Variants in PCM1 observed in about 807,000 individuals in gnomAD.
PCM1 encodes pericentriolar material 1, also known as pericentriolar material 1 protein.
Under a neutral mutation model 241.9 loss-of-function variants are expected in PCM1, and 157 were observed. The ratio of observed to expected loss-of-function variants is 0.65; its 90% confidence interval spans 0.57 to 0.74. The LOEUF (loss-of-function observed/expected upper bound fraction) is 0.74, where lower values mean the gene tolerates loss of function less well. Among genes scored for constraint, PCM1 ranks in the 30% least tolerant of loss-of-function variants. PCM1 has a pLI of 0.00. For synonymous variants in PCM1, 1,085 were observed against 784.9 expected, an observed-to-expected ratio of 1.38 and a Z score of -6.39; for missense variants, 3,478 against 2,360.1, an observed-to-expected ratio of 1.47 and a Z score of -9.81.
chr8:17,929,465 A>G (rs755463045), intron 2 of PCM1, among the ~76,000 whole-genome samples: 4 of 152,176 alleles, frequency 2.6e-5, no homozygotes, highest in Non-Finnish European at 4.4e-5. Context: ...ATAGATCGCT[A>G]TTTGTCAACC....
chr8:17,932,045 C>T (rs534954416), intron 2 of PCM1, among the ~76,000 whole-genome samples: 3 of 152,068 alleles, frequency 2.0e-5, no homozygotes, highest in African/African-American at 7.2e-5. Flanking sequence ...ATTTTTCATA[C>T]TGCTTTTTTA....
Position 17,966,130 on chromosome 8 carries a change from A to G in PCM1, c.2987A>G (p.Lys996Arg), listed in dbSNP as rs2074787968. 6.2e-7 allele frequency: 1 copy of G among 1,613,650 alleles called. No individual in the cohort carries two copies. Among genetic ancestry groups the G allele is most frequent in the Non-Finnish European group, 8.5e-7 (1 of 1,179,656 alleles). ...TCAGAGCTCTCTTACGTAGAAGAGA[A>G]AGAACAATGGCAAGAACAAATCAAT... ...WVSELSYVEE[K>R]EQWQEQINQL... The change falls in exon 19 of 39, where the codon AAA (lysine) becomes AGA (arginine). Residue 996 changes from lysine (K) to arginine (R), a missense_variant. Transcript: ENST00000325083.
At position 18,011,807 on chromosome 8, in the gene PCM1, G is replaced by C. The variant is rs766501663; in HGVS notation, c.5491G>C (p.Glu1831Gln). Reference protein sequence around the residue: ...SLQANTEATEENEHDEQVLQR... With the variant: ...SLQANTEATEQNEHDEQVLQR... ...CCAGGCTAACACTGAAGCTACTGAAGAAAATGAACATGATGAACAGGTATT... is the reference window on the plus strand; with the variant it reads ...CCAGGCTAACACTGAAGCTACTGAACAAAATGAACATGATGAACAGGTATT... The change falls in exon 34 of 39, where the codon GAA becomes CAA. Residue 1831 changes from glutamate (E) to glutamine (Q), a missense_variant. Transcript: ENST00000325083. 9 of 1,612,972 alleles carry C rather than the reference G, an allele frequency of 5.6e-6. No individual in the cohort carries two copies. The highest frequency in any genetic ancestry group is 6.8e-6 in the Non-Finnish European group (8 of 1,179,624).
At chr8:17,944,260 G>C (rs1435379309) in intron 6 of PCM1, among the ~76,000 whole-genome samples, 2 of 152,212 alleles carry the variant, frequency 1.3e-5, no homozygotes, top group East Asian at 1.9e-4. Context: ...ACATAATTTG[G>C]AGCAGATAGT....
intron 29 of PCM1, among the ~76,000 whole-genome samples, chr8:18,001,334 G>T (rs1184568925): frequency 6.6e-6 from 1 of 151,992 alleles, no homozygotes; most frequent in African/African-American, 2.4e-5. Context: ...GTTTACTTTT[G>T]TTTCTCTAGA....
At chr8:17,994,619 G>A (rs1184915206) in intron 29 of PCM1, among the ~76,000 whole-genome samples, 2 of 152,132 alleles carry the variant, frequency 1.3e-5, no homozygotes, top group Non-Finnish European at 2.9e-5. Flanking sequence ...CTTCCAAACT[G>A]TTCTCCAGAG....
At chr8:17,984,908 G>T (rs965617224) in intron 24 of PCM1, among the ~76,000 whole-genome samples, 1 of 151,748 alleles carries the variant, frequency 6.6e-6, no homozygotes, top group African/African-American at 2.4e-5. Context: ...TTACAGATTT[G>T]GTTACTCATC....
At chr8:18,000,458 G>A (rs1053608607) in intron 29 of PCM1, among the ~76,000 whole-genome samples, 2 of 152,114 alleles carry the variant, frequency 1.3e-5, no homozygotes, top group Non-Finnish European at 2.9e-5. Flanking sequence ...GCTTAGATAA[G>A]GGTGGTGATA....
At chr8:17,981,396 G>T (rs2080741167) in intron 24 of PCM1, among the ~76,000 whole-genome samples, 1 of 152,016 alleles carries the variant, frequency 6.6e-6, no homozygotes, top group Non-Finnish European at 1.5e-5. Flanking sequence ...TGTTTTCCTT[G>T]TAGCTTGTGT....
chr8:17,941,743 A>G (rs1459932382), intron 6 of PCM1, among the ~76,000 whole-genome samples: 2 of 152,064 alleles, frequency 1.3e-5, no homozygotes, highest in African/African-American at 2.4e-5. Flanking sequence ...TGACGTTACT[A>G]CAAGTCCAAA....
intron 8 of PCM1, among the ~76,000 whole-genome samples, chr8:17,951,799 T>C (rs1467733256): frequency 6.6e-6 from 1 of 152,220 alleles, no homozygotes; most frequent in Admixed American, 6.5e-5. Flanking sequence ...ATCTGTAATG[T>C]TATATTTTTC....
intron 28 of PCM1, among the ~76,000 whole-genome samples, chr8:17,992,656 G>A (rs1005581287): frequency 7.8e-6 from 1 of 128,034 alleles, no homozygotes; most frequent in Non-Finnish European, 1.6e-5. Context: ...TTGCTCTGTT[G>A]CCCAGGCTGC....
In PCM1 at chr8:18,014,812, C is replaced by CTGAATCTCCAGTGTTAGTGAATGACTA; in HGVS notation, c.5816_5841+1dup. On this transcript the variant is annotated inframe_insertion, in exon 36 of 39. Transcript: ENST00000325083. ...AGCTCTCTGGCTGGAAGTCCTGATA[C>CTGAATCTCCAGTGTTAGTGAATGACTA]TGAATCTCCAGTGTTAGTGAATGAC... 6.2e-7 allele frequency: 1 copy of CTGAATCTCCAGTGTTAGTGAATGACTA among 1,602,942 alleles called. No homozygotes were observed. Among genetic ancestry groups the CTGAATCTCCAGTGTTAGTGAATGACTA allele is most frequent in the Non-Finnish European group, 8.5e-7 (1 of 1,177,698 alleles).
In PCM1 at chr8:17,986,055, A is replaced by C; in HGVS notation, c.4378A>C (p.Thr1460Pro). ...TTGGATAGCATCAAACTCAGAACTTACTCCTAGTGAGAGCCTTGCTACTAC... is the reference window on the plus strand; with the variant it reads ...TTGGATAGCATCAAACTCAGAACTTCCTCCTAGTGAGAGCCTTGCTACTAC... ...GTWIASNSEL[T>P]PSESLATTDD... The change falls in exon 26 of 39, where the codon ACT becomes CCT. Residue 1460 changes from threonine to proline, a missense_variant. Physicochemically the swap from Thr to Pro is conservative, Grantham distance 38. Coordinates refer to ENST00000325083, the MANE Select transcript of PCM1 (RefSeq NM_006197.4). The C allele has an allele frequency of 6.3e-7, 1 of 1,597,898 alleles. No homozygotes were observed. Among genetic ancestry groups the C allele is most frequent in the Admixed American group, 1.7e-5 (1 of 58,244 alleles).
At chr8:17,976,747 G>A (rs2078907499) in intron 23 of PCM1, among the ~76,000 whole-genome samples, 1 of 152,166 alleles carries the variant, frequency 6.6e-6, no homozygotes. Flanking sequence ...ATGAGAAAGG[G>A]AAAGAGTGGT....
chr8:17,985,347 T>C (rs2082248746), intron 24 of PCM1, 100 bp from the exon 25 acceptor site: 2 of 718,014 alleles, frequency 2.8e-6, no homozygotes, highest in South Asian at 4.5e-5. Context: ...AAAATAGAAT[T>C]TTTAGATAAT....
chr8:17,991,794 C>A, intron 28 of PCM1, 94 bp downstream of exon 28: 2 of 867,670 alleles, frequency 2.3e-6, no homozygotes, highest in Non-Finnish European at 3.6e-6. Flanking sequence ...GATTTTGGTG[C>A]ACCCATCGCC....
intron 26 of PCM1, among the ~76,000 whole-genome samples, chr8:17,986,437 C>T (rs2082626934): frequency 1.5e-5 from 2 of 137,664 alleles, no homozygotes; most frequent in Admixed American, 7.3e-5. Context: ...ACAGTAAAAA[C>T]ACTTGAATGA....
chr8:18,011,610 G>C (rs1341902469), intron 33 of PCM1, 57 bp from the exon 34 acceptor site: 1 of 1,454,048 alleles, frequency 6.9e-7, no homozygotes, highest in Non-Finnish European at 9.3e-7. Context: ...GTAAGTGGTA[G>C]CTATTGTTAA....
Sources: gnomAD v4.1 joint callset for allele counts (sites outside exome capture counted in the v4.1 genomes callset) on GRCh38, gnomAD v4.1.1 for gene constraint, MANE v1.5 for transcripts, NCBI Gene and HGNC (gene_info 2026-07-23, HGNC 2026-07-21) for gene names.